DYRK4: variants seen among roughly 807,000 people sequenced by gnomAD.
The protein encoded by DYRK4 is dual specificity tyrosine-phosphorylation-regulated kinase 4.
In DYRK4, 64 loss-of-function variants were observed where a neutral mutation model predicts 68.3. The observed-to-expected ratio is 0.94, with a 90% confidence interval of 0.77 to 1.15. The LOEUF (loss-of-function observed/expected upper bound fraction) is 1.15. Ranked by LOEUF, DYRK4 falls within the 50% of genes most tolerant of loss-of-function variation. The pLI, the probability that DYRK4 is intolerant of heterozygous loss-of-function variation, is 0.00. For missense variants in DYRK4, 740 were observed against 764.7 expected, an observed-to-expected ratio of 0.97 and a Z score of 0.38; for synonymous variants, 274 against 289.9, an observed-to-expected ratio of 0.95 and a Z score of 0.56.
chr12:4,598,145 G>A (rs1389775374), intron 8 of DYRK4, among the ~76,000 whole-genome samples: 1 of 152,164 alleles, frequency 6.6e-6, no homozygotes, highest in African/African-American at 2.4e-5. Context: ...CGGAGGCCAA[G>A]TTGGGAGGTC....
At chr12:4,584,795 T>C (rs1181141106) in intron 2 of DYRK4, among the ~76,000 whole-genome samples, 1 of 152,084 alleles carries the variant, frequency 6.6e-6, no homozygotes, top group Non-Finnish European at 1.5e-5. Context: ...GACCTCGTGA[T>C]CCACCCACCT....
chr12:4,589,165 A>G (rs753810923), intron 3 of DYRK4, 148 bp downstream of exon 3: 10 of 629,538 alleles, frequency 1.6e-5, no homozygotes, highest in South Asian at 6.2e-5. Context: ...ACCACACCCC[A>G]TCTCCACATC....
At chr12:4,572,911 G>T (rs1384566979) in intron 2 of DYRK4, 1 of 206,126 alleles carries the variant, frequency 4.9e-6, no homozygotes, top group Non-Finnish European at 9.8e-6. Context: ...GATATCCGAC[G>T]GTCATTCATT....
chr12:4,610,467 A>G (rs1397247040), intron 13 of DYRK4, 183 bp downstream of exon 13: 3 of 540,964 alleles, frequency 5.5e-6, no homozygotes, highest in Non-Finnish European at 9.2e-6. Context: ...ATCTCTCCCT[A>G]CTGTGTGGTT....
intron 4 of DYRK4, chr12:4,590,734 GTCC>G (rs1944944666): frequency 1.3e-5 from 6 of 457,426 alleles, no homozygotes; most frequent in African/African-American, 2.0e-5. Context: ...TTCCTCCCAT[GTCC>G]TCCTACTTCT....
intron 4 of DYRK4, 166 bp downstream of exon 4, chr12:4,590,606 A>G (rs1441615178): frequency 1.3e-5 from 18 of 1,335,452 alleles, no homozygotes; most frequent in Non-Finnish European, 1.6e-5. Context: ...GCTTGAGCAA[A>G]TAAGTCCTTG....
chr12:4,587,275 A>G (rs937372668), intron 2 of DYRK4, among the ~76,000 whole-genome samples: 5 of 152,034 alleles, frequency 3.3e-5, no homozygotes, highest in African/African-American at 9.7e-5. Flanking sequence ...TTCACTGAGC[A>G]AGCATGCTCT....
chr12:4,604,008 G>A (rs1387753966), intron 10 of DYRK4, among the ~76,000 whole-genome samples: 1 of 152,164 alleles, frequency 6.6e-6, no homozygotes, highest in Non-Finnish European at 1.5e-5. Flanking sequence ...TTATAGCTGA[G>A]TAACCTTGAC....
At chr12:4,567,252 G>C (rs143295133) in intron 1 of DYRK4, 1 of 152,314 alleles carries the variant, frequency 6.6e-6, no homozygotes, top group East Asian at 1.9e-4. Context: ...ATTTGCATTG[G>C]TTCCTGTTCT....
intron 2 of DYRK4, chr12:4,573,242 G>A (rs1944750616): frequency 2.7e-6 from 3 of 1,112,874 alleles, no homozygotes; most frequent in Non-Finnish European, 3.6e-6. Context: ...AATGAAGATA[G>A]GCATTTACTT....
chr12:4,610,183 C>A lies in DYRK4; in HGVS notation c.1389C>A (p.Thr463=). Residue 463 remains threonine (T), a synonymous_variant, in exon 13 of 15, where the codon ACC becomes ACA. Coordinates refer to ENST00000543431, the MANE Select transcript of DYRK4 (RefSeq NM_001394779.1). ...CCAAAGGTTTTCCTAAAAATATAAC[C>A]AACAACAGGGGGAAAAAAAGATACC... ...FDSKGFPKNI[T]NNRGKKRYPD... 6.2e-7 allele frequency: 1 copy of A among 1,600,468 alleles called. No homozygotes were observed. The highest frequency in any genetic ancestry group is 8.5e-7 in the Non-Finnish European group (1 of 1,174,976).
intron 2 of DYRK4, among the ~76,000 whole-genome samples, chr12:4,586,249 C>T (rs1323137392): frequency 6.6e-6 from 1 of 152,122 alleles, no homozygotes; most frequent in Non-Finnish European, 1.5e-5. Context: ...TTCTGATCTC[C>T]TGTCCCCTCT....
chr12:4,609,469 G>T (rs1378995670), intron 12 of DYRK4, among the ~76,000 whole-genome samples: 1 of 152,174 alleles, frequency 6.6e-6, no homozygotes, highest in African/African-American at 2.4e-5. Context: ...CCAGGTTTGG[G>T]CTGCCAACTG....
In DYRK4 at chr12:4,562,269, C is replaced by T; in HGVS notation, c.24C>T (p.Ile8=). MQLLPPP[I]RTGTKTQMDA... is the part of the protein sequence containing the mutation. ...TCATGCAGCTCCTCCCGCCGCCTAT[C>T]CGCACCGGAACAAAGTAAGGGCCGC... The change falls in exon 1 of 15, where the codon ATC becomes ATT. Residue 8 remains isoleucine (I), a synonymous_variant. Coordinates refer to ENST00000543431, the MANE Select transcript of DYRK4 (RefSeq NM_001394779.1). 2 of 1,532,686 alleles carry T rather than the reference C, an allele frequency of 1.3e-6. No homozygotes were observed. Among genetic ancestry groups the T allele is most frequent in the Non-Finnish European group, 1.7e-6 (2 of 1,145,442 alleles). 94.9% of individuals were successfully genotyped at this position (1,532,686 alleles called of 1,614,324 possible). A position where few individuals can be genotyped will look rare whatever the true frequency, so the allele number is the denominator to read the frequency against.
chr12:4,601,055 A>AAG (rs1209289834), intron 10 of DYRK4, among the ~76,000 whole-genome samples: 3 of 152,188 alleles, frequency 2.0e-5, no homozygotes, highest in African/African-American at 7.2e-5. Flanking sequence ...TTATTAGAAC[A>AAG]AGAGATACAT....
intron 5 of DYRK4, among the ~76,000 whole-genome samples, chr12:4,592,161 G>A (rs1389317009): frequency 6.6e-6 from 1 of 152,178 alleles, no homozygotes; most frequent in African/African-American, 2.4e-5. Context: ...TCAGTCCTGA[G>A]CTAGTTCTGC....
At chr12:4,586,271 C>G (rs1944895417) in intron 2 of DYRK4, among the ~76,000 whole-genome samples, 1 of 152,182 alleles carries the variant, frequency 6.6e-6, no homozygotes, top group Admixed American at 6.5e-5. Flanking sequence ...GAGGCAGGGC[C>G]CAGGTCTTAG....
intron 4 of DYRK4, chr12:4,590,707 C>T: frequency 1.7e-6 from 1 of 574,908 alleles, no homozygotes; most frequent in Non-Finnish European, 2.6e-6. Context: ...AAAGGTGGAA[C>T]CATACAAAAT....
chr12:4,603,889 C>G (rs1945110132), intron 10 of DYRK4, among the ~76,000 whole-genome samples: 2 of 152,098 alleles, frequency 1.3e-5, no homozygotes, highest in Non-Finnish European at 2.9e-5. Context: ...AGTCATTTCC[C>G]CCTTTGCATA....
Sources: gnomAD v4.1 joint callset for allele counts (sites outside exome capture counted in the v4.1 genomes callset) on GRCh38, gnomAD v4.1.1 for gene constraint, MANE v1.5 for transcripts, NCBI Gene and HGNC (gene_info 2026-07-23, HGNC 2026-07-21) for gene names.